NAV1: variants seen among roughly 807,000 people sequenced by gnomAD.
NAV1 encodes the protein neuron navigator 1, also known as pore membrane and/or filament interacting like protein 3.
Under a neutral mutation model 175.2 loss-of-function variants are expected in NAV1, and 18 were observed. The ratio of observed to expected loss-of-function variants is 0.10; its 90% CI spans 0.07 to 0.15. The LOEUF (loss-of-function observed/expected upper bound fraction) is 0.15, where lower values mean the gene tolerates loss of function less well. NAV1 is among the 10% of genes least tolerant of loss of function. NAV1 has a pLI of 1.00. For synonymous variants in NAV1, 897 were observed against 978.7 expected (o/e 0.92, Z 1.56); for missense variants, 1,731 against 2,436.6 (o/e 0.71, Z 6.10).
intron 1 of NAV1, among the ~76,000 whole-genome samples, chr1:201,568,753 A>G (rs1297139345): frequency 6.6e-6 from 1 of 152,210 alleles, no homozygotes. Flanking sequence ...GTCCCACAGT[A>G]TGTGCTCGGG....
intron 1 of NAV1, among the ~76,000 whole-genome samples, chr1:201,580,531 G>T (rs183137831): frequency 1.5e-4 from 23 of 152,308 alleles, no homozygotes; most frequent in African/African-American, 4.3e-4. Context: ...CCACCACTTT[G>T]GGAGGCTGAG....
At chr1:201,569,185 C>G (rs927340053) in intron 1 of NAV1, among the ~76,000 whole-genome samples, 1 of 152,144 alleles carries the variant, frequency 6.6e-6, no homozygotes, top group Non-Finnish European at 1.5e-5. Flanking sequence ...AAAGCCACCC[C>G]CCTCCAGAGG....
intron 3 of NAV1, among the ~76,000 whole-genome samples, chr1:201,773,046 A>G (rs1026332252): frequency 6.6e-6 from 1 of 151,810 alleles, no homozygotes; most frequent in African/African-American, 2.4e-5. Context: ...AAAAAAAAAA[A>G]AAATACTAGG....
chr1:201,699,475 T>C (rs1483544377), intron 1 of NAV1, among the ~76,000 whole-genome samples: 2 of 152,226 alleles, frequency 1.3e-5, no homozygotes, highest in Admixed American at 6.5e-5. Flanking sequence ...TCCATGCTCA[T>C]GGATAGGAAG....
chr1:201,625,194 G>C (rs559913857), intron 1 of NAV1, among the ~76,000 whole-genome samples: 251 of 152,320 alleles, frequency 1.6e-3, no homozygotes, highest in African/African-American at 5.6e-3. Context: ...ATGATGAAAG[G>C]AACTGAAGAA....
At chr1:201,673,609 A>G (rs1347114415) in intron 1 of NAV1, among the ~76,000 whole-genome samples, 2 of 152,206 alleles carry the variant, frequency 1.3e-5, no homozygotes, top group Non-Finnish European at 2.9e-5. Context: ...AAACGCAAGG[A>G]ACAGGCCCTG....
chr1:201,753,348 G>A (rs1674249718), intron 3 of NAV1, among the ~76,000 whole-genome samples: 1 of 152,090 alleles, frequency 6.6e-6, no homozygotes, highest in African/African-American at 2.4e-5. Flanking sequence ...TTAAATTTCA[G>A]CCCATAATTG....
intron 1 of NAV1, among the ~76,000 whole-genome samples, chr1:201,650,293 C>T (rs1379983800): frequency 5.3e-5 from 8 of 152,240 alleles, no homozygotes; most frequent in Non-Finnish European, 1.5e-5. Context: ...ACTGCTCTTT[C>T]TCTCCCCGGA....
Position 201,756,805 on chromosome 1 carries a change from TTTCC to T in NAV1, c.1227-23612_1227-23609del, listed in dbSNP as rs1553267137. Among the ~76,000 whole-genome samples the T allele has an allele frequency of 9.3e-3, 268 of 28,830 alleles. 13 individuals carry two copies. Among genetic ancestry groups the T allele is most frequent in the African/African-American group, 0.026 (189 of 7,298 alleles). 18.9% of individuals were successfully genotyped at this position (28,830 alleles called of 152,430 possible). On this transcript the variant is annotated intron_variant, in intron 3 of 29. Coordinates refer to ENST00000367296, the Ensembl canonical transcript of NAV1. The stretch of plus-strand genomic sequence containing the variant: ...ACTAATGAGCAATTCTCTTTCTTTC[TTTCC>T]TTCTTTCTTTCTTTCTTTCTTTCTT...
intron 3 of NAV1, among the ~76,000 whole-genome samples, chr1:201,752,805 A>T (rs529770850): frequency 6.6e-6 from 1 of 152,192 alleles, no homozygotes; most frequent in Non-Finnish European, 1.5e-5. Context: ...CCAATTGTGC[A>T]AAGACATCCA....
At chr1:201,673,268 G>A (rs984271792) in intron 1 of NAV1, 14 of 152,306 alleles carry the variant, frequency 9.2e-5, no homozygotes, top group African/African-American at 3.4e-4. Flanking sequence ...GATGGGCCGC[G>A]GCATCTACGA....
At position 201,539,614 on chromosome 1, in the gene NAV1, G is replaced by T. The variant is rs188543350; in HGVS notation, c.-144+272G>T. Among the ~76,000 whole-genome samples, 1 of 152,132 alleles carries T rather than the reference G, an allele frequency of 6.6e-6. No individual in the cohort carries two copies. The highest frequency in any genetic ancestry group is 6.5e-5 in the Admixed American group (1 of 15,278). Reference sequence around the variant, plus strand: ...GATTCTAGAGTTGACTCTCCGGGGGGGCTGCCTAACTTCAGTCCCTCTGAG... The same window carrying T: ...GATTCTAGAGTTGACTCTCCGGGGGTGCTGCCTAACTTCAGTCCCTCTGAG... On this transcript the variant is annotated intron_variant, in intron 1 of 33. Transcript: ENST00000685211. This position sits in a 1 kb window ranked among gnomAD's most constrained non-coding sequence, Gnocchi z 5.6.
At chr1:201,783,314 A>G in intron 6 of NAV1, 92 bp from the exon 11 acceptor site, 3 of 1,304,050 alleles carry the variant, frequency 2.3e-6, no homozygotes, top group Non-Finnish European at 3.2e-6. Flanking sequence ...AAATAGGCAG[A>G]AAACAAGACT....
chr1:201,560,366 T>C (rs1428289814), intron 1 of NAV1, among the ~76,000 whole-genome samples: 2 of 152,230 alleles, frequency 1.3e-5, no homozygotes, highest in Non-Finnish European at 2.9e-5. Flanking sequence ...CTTTGGGTTA[T>C]GGACCCCTTA....
At chr1:201,649,501 G>A (rs1387708387) in intron 1 of NAV1, 76 bp downstream of exon 5, 1 of 1,438,418 alleles carries the variant, frequency 7.0e-7, no homozygotes. Flanking sequence ...TGGGGAAAGC[G>A]AAGCCCCCTC....
chr1:201,562,239 G>A (rs1011492045), intron 1 of NAV1, among the ~76,000 whole-genome samples: 7 of 149,070 alleles, frequency 4.7e-5, no homozygotes, highest in Admixed American at 1.4e-4. Context: ...GGCTGGTCTC[G>A]AACTCCTGGG....
intron 28 of NAV1, 95 bp from the exon 33 acceptor site, chr1:201,816,993 G>T: frequency 1.7e-6 from 2 of 1,152,552 alleles, no homozygotes; most frequent in East Asian, 2.5e-5. Flanking sequence ...ATATTTTTAA[G>T]GAGCCTATTT....
intron 3 of NAV1, among the ~76,000 whole-genome samples, chr1:201,771,517 A>C (rs1050918939): frequency 1.3e-5 from 2 of 151,802 alleles, no homozygotes; most frequent in Non-Finnish European, 2.9e-5. Flanking sequence ...AAAAAAAAAA[A>C]AAAAACTGGT....
At chr1:201,564,412 C>T (rs546615067) in intron 1 of NAV1, among the ~76,000 whole-genome samples, 4 of 151,768 alleles carry the variant, frequency 2.6e-5, no homozygotes, top group Non-Finnish European at 2.9e-5. Flanking sequence ...GTCAGGTGTT[C>T]GAGACCAGCC....
Sources: gnomAD v4.1 joint callset for allele counts (sites outside exome capture counted in the v4.1 genomes callset) on GRCh38, gnomAD v4.1.1 for gene constraint, Gnocchi (gnomAD v3.1) non-coding constraint, MANE v1.5 for transcripts, NCBI Gene and HGNC (gene_info 2026-07-23, HGNC 2026-07-21) for gene names.